The following SMCHD1 variants were observed in gnomAD, a reference collection of about 807,000 sequenced individuals.
SMCHD1 encodes structural maintenance of chromosomes flexible hinge domain-containing protein 1.
In SMCHD1, 78 loss-of-function variants were observed where a neutral mutation model predicts 254.7. The observed-to-expected ratio is 0.31, with a 90% CI of 0.26 to 0.37. The LOEUF is 0.37. Ranked by LOEUF, SMCHD1 falls within the 10% of genes least tolerant of loss-of-function variation. SMCHD1 has a pLI of 1.00. For synonymous variants in SMCHD1, 766 were observed against 794.9 expected (o/e 0.96, Z 0.61); for missense variants, 1,840 against 2,408.1 (o/e 0.76, Z 4.94).
chr18:2,730,599 CTTAA>C (rs1951071599), intron 24 of SMCHD1, among the ~76,000 whole-genome samples: 1 of 152,172 alleles, frequency 6.6e-6, no homozygotes, highest in Admixed American at 6.5e-5. Context: ...ATAACAAATA[CTTAA>C]GTAAAACTTC....
chr18:2,728,636 A>G (rs1198943691), intron 23 of SMCHD1, 40 bp downstream of exon 23: 1 of 1,591,558 alleles, frequency 6.3e-7, no homozygotes, highest in Non-Finnish European at 8.6e-7. Flanking sequence ...GTCCCATTGT[A>G]GTAAGTGGCA....
chr18:2,748,583 C>T (rs141265228), intron 30 of SMCHD1, among the ~76,000 whole-genome samples: 12,276 of 151,626 alleles, frequency 0.081, 682 homozygotes, highest in Admixed American at 0.16. Context: ...TTAGTACAGA[C>T]GGGGTTTCAC....
chr18:2,697,512 C>T (rs1003673607), intron 9 of SMCHD1, among the ~76,000 whole-genome samples: 1 of 152,172 alleles, frequency 6.6e-6, no homozygotes, highest in Non-Finnish European at 1.5e-5. Flanking sequence ...CTAACCCACA[C>T]GTTAGAATTT....
intron 12 of SMCHD1, chr18:2,702,240 G>A (rs2074415460): frequency 7.2e-6 from 1 of 139,248 alleles, no homozygotes; most frequent in South Asian, 2.3e-4. Flanking sequence ...GATGGCTTGA[G>A]GCCAGGAGTT....
intron 34 of SMCHD1, among the ~76,000 whole-genome samples, chr18:2,757,388 T>TA (rs2075702138): frequency 6.6e-6 from 1 of 152,068 alleles, no homozygotes; most frequent in South Asian, 2.1e-4. Flanking sequence ...TTTTTTTTTT[T>TA]AATTTGGTAG....
intron 43 of SMCHD1, 91 bp downstream of exon 43, chr18:2,778,006 T>A: frequency 9.7e-7 from 1 of 1,035,650 alleles, no homozygotes; most frequent in South Asian, 1.7e-5. Context: ...TTTATATTCT[T>A]ATTTTGCTTA....
chr18:2,778,043 A>T, intron 43 of SMCHD1, 126 bp from the exon 44 acceptor site: 1 of 988,978 alleles, frequency 1.0e-6, no homozygotes. Context: ...CAGTTTTTTT[A>T]GAGTACAAAT....
intron 24 of SMCHD1, among the ~76,000 whole-genome samples, chr18:2,731,375 G>A (rs749189481): frequency 1.6e-4 from 25 of 152,078 alleles, no homozygotes; most frequent in Non-Finnish European, 3.2e-4. Context: ...AATTTATATA[G>A]CATAATCTTG....
intron 34 of SMCHD1, among the ~76,000 whole-genome samples, chr18:2,755,969 A>G (rs2075671023): frequency 6.6e-6 from 1 of 152,178 alleles, no homozygotes; most frequent in Admixed American, 6.5e-5. Context: ...TCGAATCTCA[A>G]AGGGAACATT....
intron 41 of SMCHD1, among the ~76,000 whole-genome samples, chr18:2,775,068 ATTTTTTTTTTTT>A (rs10601895): frequency 1.2e-4 from 9 of 73,060 alleles, no homozygotes; most frequent in Middle Eastern, 9.6e-3. Context: ...AAAAGGAACA[ATTTTTTTTTTTT>A]TTTTTTTTTT....
At chr18:2,671,310 C>T (rs139961129) in intron 3 of SMCHD1, among the ~76,000 whole-genome samples, 1,540 of 152,226 alleles carry the variant, frequency 0.01, 21 homozygotes, top group African/African-American at 0.035. Context: ...GTATTTTAAA[C>T]TCTTAATGTA....
At chr18:2,795,146 C>T (rs959313885) in intron 45 of SMCHD1, among the ~76,000 whole-genome samples, 5 of 152,046 alleles carry the variant, frequency 3.3e-5, no homozygotes, top group Non-Finnish European at 7.4e-5. Flanking sequence ...CTCTGCTTCC[C>T]GGGTTCACGC....
chr18:2,678,434 C>T (rs931603056), intron 5 of SMCHD1, among the ~76,000 whole-genome samples: 1 of 151,796 alleles, frequency 6.6e-6, no homozygotes, highest in African/African-American at 2.4e-5. Flanking sequence ...CTGGGCTTGG[C>T]TTACAGGCAC....
At position 2,802,565 on chromosome 18, in the gene SMCHD1, A is replaced by T. The variant is rs1441283342; in HGVS notation, c.*13A>T. On this transcript the variant is annotated 3_prime_UTR_variant, in exon 48 of 48. Transcript: ENST00000320876. Reference sequence around the variant, plus strand: ...AACAGATGTATGAGAGGTGACAGAGAGAAGAGGCCATTGGTCTCAGTAAGA... The same window carrying T: ...AACAGATGTATGAGAGGTGACAGAGTGAAGAGGCCATTGGTCTCAGTAAGA... 1 of 1,551,484 alleles carries T rather than the reference A, an allele frequency of 6.4e-7. No homozygotes were observed. The highest frequency in any genetic ancestry group is 8.7e-7 in the Non-Finnish European group (1 of 1,146,884).
At chr18:2,685,455 A>C (rs592031) in intron 5 of SMCHD1, among the ~76,000 whole-genome samples, 125,387 of 152,160 alleles carry the variant, frequency 0.82, 55,114 homozygotes, top group East Asian at 1. Context: ...AGATATAAAT[A>C]ACATAAAATT....
chr18:2,801,654 G>A (rs2076364698), intron 47 of SMCHD1, among the ~76,000 whole-genome samples: 1 of 151,900 alleles, frequency 6.6e-6, no homozygotes, highest in Admixed American at 6.6e-5. Flanking sequence ...ATGTGTTTCT[G>A]TATATTTATG....
chr18:2,693,408 C>T lies in SMCHD1; in HGVS notation c.874-1119C>T, dbSNP rs58698590. The stretch of plus-strand genomic sequence containing the variant: ...CACCTAGGCTATATGGTATAGGGTA[C>T]TGCTCCTAGTCTACAAATTTGTACA... On this transcript the variant is annotated intron_variant, in intron 7 of 47. Transcript: ENST00000320876. 2.8e-3 allele frequency among the ~76,000 whole-genome samples: 432 copies of T among 152,306 alleles called. 13 individuals are homozygous for T. In the South Asian group the frequency reaches 0.051, roughly 18 times the overall value.
intron 40 of SMCHD1, among the ~76,000 whole-genome samples, chr18:2,771,893 C>A (rs749847775): frequency 6.6e-6 from 1 of 152,034 alleles, no homozygotes; most frequent in Non-Finnish European, 1.5e-5. Context: ...AACCACTACA[C>A]GTGATGGTAA....
chr18:2,791,647 C>T (rs990417215), intron 45 of SMCHD1, among the ~76,000 whole-genome samples: 4 of 152,218 alleles, frequency 2.6e-5, no homozygotes, highest in Middle Eastern at 3.4e-3. Flanking sequence ...AGGAATCAAC[C>T]GAAGTATCCC....
Sources: allele counts gnomAD v4.1 joint callset (sites outside exome capture counted in the v4.1 genomes callset), GRCh38; gene constraint gnomAD v4.1.1; transcripts MANE v1.5; gene names NCBI Gene and HGNC (gene_info 2026-07-23, HGNC 2026-07-21).